SEC31A: variants seen among roughly 807,000 people sequenced by gnomAD.
SEC31A encodes protein transport protein Sec31A.
In SEC31A, 70 loss-of-function variants were observed where a neutral mutation model predicts 151.0. The ratio of observed to expected loss-of-function variants is 0.46; its 90% CI spans 0.38 to 0.57. The LOEUF (loss-of-function observed/expected upper bound fraction) is 0.57, where lower values mean the gene tolerates loss of function less well. Among genes scored for constraint, SEC31A ranks in the 20% least tolerant of loss-of-function variants. The pLI, the probability that SEC31A is intolerant of heterozygous loss-of-function variation, is 0.00. For synonymous variants in SEC31A, 475 were observed against 505.9 expected (o/e 0.94, Z 0.82); for missense variants, 1,330 against 1,471.2 (o/e 0.90, Z 1.57).
chr4:82,878,587 C>T (rs570343249), intron 4 of SEC31A, 143 bp downstream of exon 4: 1 of 641,804 alleles, frequency 1.6e-6, no homozygotes, highest in Non-Finnish European at 2.7e-6. Context: ...TCTGAACCCA[C>T]CATTCTTTAA....
chr4:82,862,541 G>T lies in SEC31A; in HGVS notation c.1541C>A (p.Ala514Asp). 6.2e-7 allele frequency: 1 copy of T among 1,613,158 alleles called. No individual in the cohort carries two copies. The highest frequency in any genetic ancestry group is 1.1e-5 in the South Asian group (1 of 91,044). ...IALALNKVDG[A>D]NVALKDSDQV... is the part of the protein sequence containing the mutation. Reference sequence around the variant, plus strand: ...TTTTAAAGGCCTTCTTACCACATTGGCTCCATCCACTTTGTTCAAGGCCAA... The same window carrying T: ...TTTTAAAGGCCTTCTTACCACATTGTCTCCATCCACTTTGTTCAAGGCCAA... Residue 514 changes from alanine to aspartate, a missense_variant, in exon 13 of 27, where the codon GCC becomes GAC. Physicochemically the swap from Ala to Asp is moderately radical, Grantham distance 126. Transcript: ENST00000395310.
rs1731934077 is a variant in SEC31A, at chr4:82,853,717, TGTAA to T, written c.2009-6_2009-3del. 2 of 1,599,630 alleles carry T rather than the reference TGTAA, an allele frequency of 1.3e-6. No homozygotes were observed. The highest frequency in any genetic ancestry group is 1.4e-5 in the African/African-American group (1 of 74,024). ...TTTCAAGCCTGGTTCCCAAAAGATC[TGTAA>T]GTAAGAGGAAAATAAAATAAGATTA... On this transcript the variant is annotated splice_polypyrimidine_tract_variant and splice_region_variant and intron_variant, in intron 17 of 26. Coordinates refer to ENST00000395310, the MANE Select transcript of SEC31A (RefSeq NM_001077207.4).
In SEC31A at chr4:82,891,092, C is replaced by T. The variant is rs1174636791; in HGVS notation, c.-9G>A. The T allele has an allele frequency of 6.5e-7, 1 of 1,535,950 alleles. No individual in the cohort carries two copies. The highest frequency in any genetic ancestry group is 8.7e-7 in the Non-Finnish European group (1 of 1,146,796). ...AAAAGCAACGGGCGGACGCACCTGG[C>T]GAGGACCTTCGGCAGCCGGATCCTG... On this transcript the variant is annotated 5_prime_UTR_variant, in exon 1 of 27. Coordinates refer to ENST00000395310, the MANE Select transcript of SEC31A (RefSeq NM_001077207.4).
intron 23 of SEC31A, among the ~76,000 whole-genome samples, chr4:82,827,877 C>T (rs533100903): frequency 1.3e-5 from 2 of 151,230 alleles, no homozygotes; most frequent in South Asian, 4.2e-4. Context: ...TCCCTTTACC[C>T]TCCCATACTT....
intron 22 of SEC31A, among the ~76,000 whole-genome samples, chr4:82,833,597 T>C (rs911087780): frequency 2.0e-5 from 3 of 150,716 alleles, no homozygotes; most frequent in Non-Finnish European, 4.4e-5. Flanking sequence ...CACTACTTCT[T>C]ATAGGAAACC....
Position 82,851,430 on chromosome 4 carries a change from C to T in SEC31A, c.2328+1G>A. The T allele has an allele frequency of 6.2e-7, 1 of 1,608,910 alleles. No individual in the cohort carries two copies. The highest frequency in any genetic ancestry group is 1.1e-5 in the South Asian group (1 of 90,446). ...TTACAAAAATGGTCAATTCTAATTA[C>T]CTGGTTGGTGTTGTCAGGAAGAAAA... On this transcript the variant is annotated splice_donor_variant, in intron 19 of 26. Transcript: ENST00000395310. LOFTEE classifies it high-confidence loss of function.
chr4:82,819,217 C>T lies in SEC31A; in HGVS notation c.3520G>A (p.Ala1174Thr). The T allele has an allele frequency of 6.2e-7, 1 of 1,606,724 alleles. No individual in the cohort carries two copies. Among genetic ancestry groups the T allele is most frequent in the Non-Finnish European group, 8.5e-7 (1 of 1,176,646 alleles). ...TAGTTTCGAGTTTCAATGCTCCTTGCAATGTTGTGTAAACCACTGGTGATT... is the reference window on the plus strand; with the variant it reads ...TAGTTTCGAGTTTCAATGCTCCTTGTAATGTTGTGTAAACCACTGGTGATT... ...PTITSGLHNI[A>T]RSIETRNYSE... The change falls in exon 27 of 27, where the codon GCA becomes ACA. Residue 1174 changes from alanine (A) to threonine (T), a missense_variant. Physicochemically the swap from Ala to Thr is moderately conservative, Grantham distance 58. Coordinates refer to ENST00000395310, the MANE Select transcript of SEC31A (RefSeq NM_001077207.4).
At chr4:82,890,385 G>A (rs1432943232) in intron 1 of SEC31A, among the ~76,000 whole-genome samples, 1 of 152,078 alleles carries the variant, frequency 6.6e-6, no homozygotes, top group Non-Finnish European at 1.5e-5. Flanking sequence ...TTAGGAGAAA[G>A]GATTTGTCAC....
At chr4:82,880,075 C>T (rs1364907088) in intron 3 of SEC31A, among the ~76,000 whole-genome samples, 3 of 151,754 alleles carry the variant, frequency 2.0e-5, no homozygotes, top group East Asian at 1.9e-4. Flanking sequence ...CCCAGCTACT[C>T]GGGAGGCTGA....
rs1481164245 is a variant in SEC31A, at chr4:82,829,208, T to C, written c.2969-150A>G. The C allele has an allele frequency of 8.3e-6, 5 of 602,550 alleles. No individual in the cohort carries two copies. In the Admixed American group the frequency reaches 1.4e-4, roughly 17 times the overall value. The allele number at this position is 602,550 out of a possible 1,614,324, so 37.3% of individuals were successfully genotyped here. A position where few individuals can be genotyped will look rare whatever the true frequency, so the allele number is the denominator to read the frequency against. On this transcript the variant is annotated intron_variant, in intron 22 of 26. Transcript: ENST00000395310. Reference sequence around the variant, plus strand: ...CCAGCCGAGTGTGGGGATCACTATGTAGCCCTGGATTCTCACACTCACATC... The same window carrying C: ...CCAGCCGAGTGTGGGGATCACTATGCAGCCCTGGATTCTCACACTCACATC...
At chr4:82,877,660 A>C (rs989548848) in intron 4 of SEC31A, 1 of 152,126 alleles carries the variant, frequency 6.6e-6, no homozygotes, top group African/African-American at 2.4e-5. Context: ...GCAACAGTAC[A>C]AAGAATCTTA....
chr4:82,894,911 T>G (rs528621938), upstream of SEC31A: 194 of 152,366 alleles, frequency 1.3e-3, 1 homozygote, highest in African/African-American at 4.6e-3. Context: ...TTGAAATCCA[T>G]GCATAGTTTT....
chr4:82,842,011 AC>A lies in SEC31A; in HGVS notation c.2968+128del, dbSNP rs530919395. The A allele has an allele frequency of 1.7e-4, 126 of 755,612 alleles. 1 individual carries two copies. In the Admixed American group the frequency reaches 2.7e-3, roughly 16 times the overall value. The allele number at this position is 755,612 out of a possible 1,614,324, so 46.8% of individuals were successfully genotyped here. On this transcript the variant is annotated intron_variant, in intron 22 of 26. Transcript: ENST00000395310. ...AACAAACAAAAAACACAAAAAACAAACCCAAACCTCAGTCAACACCTCACAT... is the reference window on the plus strand; with the variant it reads ...AACAAACAAAAAACACAAAAAACAAACCAAACCTCAGTCAACACCTCACAT...
chr4:82,865,548 A>G (rs1348076973), intron 10 of SEC31A, among the ~76,000 whole-genome samples: 1 of 4,786 alleles, frequency 2.1e-4, no homozygotes, highest in African/African-American at 1.1e-3. Context: ...ATATATATAT[A>G]TATATATATA....
At chr4:82,837,251 ATGTG>A (rs1421616565) in intron 22 of SEC31A, among the ~76,000 whole-genome samples, 2 of 140,862 alleles carry the variant, frequency 1.4e-5, no homozygotes, top group Non-Finnish European at 3.1e-5. Flanking sequence ...GCATGTATGT[ATGTG>A]TATGTCTGTA....
At chr4:82,822,248 A>AAT (rs1723529476) in intron 25 of SEC31A, among the ~76,000 whole-genome samples, 1 of 152,092 alleles carries the variant, frequency 6.6e-6, no homozygotes, top group South Asian at 2.1e-4. Context: ...CTAAATGAAC[A>AAT]ATATATTGCA....
At chr4:82,826,226 A>AT (rs374115203) in intron 24 of SEC31A, among the ~76,000 whole-genome samples, 121 of 150,384 alleles carry the variant, frequency 8.0e-4, no homozygotes, top group Middle Eastern at 6.8e-3. Flanking sequence ...AATCTTTTTT[A>AT]TTTTTTTTTA....
Position 82,851,544 on chromosome 4 carries a change from T to G in SEC31A, c.2215A>C (p.Thr739Pro). Reference protein sequence around the residue: ...KAVQLTQAMDTSTVGVLLAAK... With the variant: ...KAVQLTQAMDPSTVGVLLAAK... ...GCCAAGAGAACTCCTACAGTACTAG[T>G]GTCCATGGCTTGAGTGAGTTGCACA... The change falls in exon 19 of 27, where the codon ACT (threonine) becomes CCT (proline). Residue 739 changes from threonine (T) to proline (P), a missense_variant. Physicochemically the swap from Thr to Pro is conservative, Grantham distance 38. Transcript: ENST00000395310. The G allele has an allele frequency of 1.9e-6, 3 of 1,613,830 alleles. No individual in the cohort carries two copies. Among genetic ancestry groups the G allele is most frequent in the Non-Finnish European group, 2.5e-6 (3 of 1,179,816 alleles).
intron 3 of SEC31A, among the ~76,000 whole-genome samples, chr4:82,880,105 C>T (rs1366795511): frequency 6.6e-6 from 1 of 151,648 alleles, no homozygotes; most frequent in Non-Finnish European, 1.5e-5. Flanking sequence ...ATTGCTAGAA[C>T]CTAGGAGGCA....
Sources: gnomAD v4.1 joint callset for allele counts (sites outside exome capture counted in the v4.1 genomes callset) on GRCh38, gnomAD v4.1.1 for gene constraint, MANE v1.5 for transcripts, NCBI Gene and HGNC (gene_info 2026-07-23, HGNC 2026-07-21) for gene names.